The following ZCCHC8 variants were observed in gnomAD, a reference collection of about 807,000 sequenced individuals.
ZCCHC8 encodes zinc finger CCHC-type containing 8.
Under a neutral mutation model 70.6 loss-of-function variants are expected in ZCCHC8, and 27 were observed. That is an observed-to-expected ratio of 0.38 (90% CI 0.28 to 0.53). The LOEUF (loss-of-function observed/expected upper bound fraction) is 0.53. ZCCHC8 is among the 20% of genes least tolerant of loss of function. The probability of loss-of-function intolerance (pLI) is 0.81; values close to 1 mark genes in which losing one functional copy is unlikely to be tolerated. For synonymous variants in ZCCHC8, 293 were observed against 317.4 expected, an observed-to-expected ratio of 0.92 and a Z score of 0.82; for missense variants, 737 against 876.9, an observed-to-expected ratio of 0.84 and a Z score of 2.01.
intron 2 of ZCCHC8, among the ~76,000 whole-genome samples, chr12:122,495,664 A>G (rs1373847437): frequency 2.6e-5 from 4 of 152,056 alleles, no homozygotes; most frequent in Non-Finnish European, 5.9e-5. Context: ...CCTGACCAAC[A>G]TGGTGAAACC....
intron 2 of ZCCHC8, among the ~76,000 whole-genome samples, chr12:122,493,467 C>G (rs912804593): frequency 5.3e-5 from 8 of 152,168 alleles, no homozygotes; most frequent in African/African-American, 1.9e-4. Context: ...GTTGCCCAGG[C>G]TGGATTGCAG....
At chr12:122,497,860 G>A (rs890607990) in intron 2 of ZCCHC8, among the ~76,000 whole-genome samples, 23 of 147,612 alleles carry the variant, frequency 1.6e-4, no homozygotes, top group Non-Finnish European at 2.4e-4. Context: ...AAAAAAAAAA[G>A]TAGCTGGGTG....
rs1957336701 is a variant in ZCCHC8 at position 122,472,554 on chromosome 12, G to A, written c.*943C>T. 6.6e-6 allele frequency: 1 copy of A among 152,238 alleles called. No homozygotes were observed. The highest frequency in any genetic ancestry group is 1.5e-5 in the Non-Finnish European group (1 of 68,080). 9.4% of individuals were successfully genotyped at this position (152,238 alleles called of 1,614,324 possible). On this transcript the variant is annotated 3_prime_UTR_variant, in exon 14 of 14. Coordinates refer to ENST00000633063, the MANE Select transcript of ZCCHC8 (RefSeq NM_017612.5). Reference sequence around the variant, plus strand: ...AAGTTATATGCACCGGCCAGGTGAGGTGGCTTACGCCTGTAATCCCAGCAC... The same window carrying A: ...AAGTTATATGCACCGGCCAGGTGAGATGGCTTACGCCTGTAATCCCAGCAC...
At chr12:122,476,549 G>A (rs1383935998) in intron 13 of ZCCHC8, among the ~76,000 whole-genome samples, 4 of 151,018 alleles carry the variant, frequency 2.6e-5, no homozygotes, top group East Asian at 2.0e-4. Flanking sequence ...AGCCATGATC[G>A]CACCACTGCA....
chr12:122,500,911 C>T lies in ZCCHC8; in HGVS notation c.-71G>A. On this transcript the variant is annotated 5_prime_UTR_variant, in exon 1 of 14. Coordinates refer to ENST00000633063, the MANE Select transcript of ZCCHC8 (RefSeq NM_017612.5). This position sits in a 1 kb window ranked among gnomAD's most constrained non-coding sequence, Gnocchi z 4.8. ...GGGCTTGGGGAAGAAGGTTGGAAGG[C>T]GGCACCACTCTCTAGAGCTCTGGCC... The T allele has an allele frequency of 6.7e-7, 1 of 1,487,230 alleles. No homozygotes were observed. Among genetic ancestry groups the T allele is most frequent in the Non-Finnish European group, 9.1e-7 (1 of 1,097,394 alleles). The allele number at this position is 1,487,230 out of a possible 1,614,324, so 92.1% of individuals were successfully genotyped here. A position where few individuals can be genotyped will look rare whatever the true frequency, so the allele number is the denominator to read the frequency against.
intron 7 of ZCCHC8, 88 bp from the exon 8 acceptor site, chr12:122,482,783 C>G (rs935008103): frequency 8.8e-7 from 1 of 1,135,106 alleles, no homozygotes; most frequent in Non-Finnish European, 1.3e-6. Context: ...CAAAGTGTAT[C>G]AGAGAGACAA....
intron 5 of ZCCHC8, among the ~76,000 whole-genome samples, chr12:122,485,457 G>C (rs1957615401): frequency 6.6e-6 from 1 of 152,112 alleles, no homozygotes; most frequent in African/African-American, 2.4e-5. Context: ...TGGGAGCATA[G>C]ATTGAAGTTG....
Position 122,490,034 on chromosome 12 carries a change from C to CT in ZCCHC8, c.423+427dup, listed in dbSNP as rs1236203606. Among the ~76,000 whole-genome samples the CT allele has an allele frequency of 1.2e-4, 18 of 150,680 alleles. No homozygotes were observed. The South Asian group carries it at 2.9e-3, about 24-fold the overall frequency. The stretch of plus-strand genomic sequence containing the variant: ...CTCTGATTCTCCTCTCTCTCTCTCT[C>CT]TTTTTTTTAAAACATAAATGCGTGA... On this transcript the variant is annotated intron_variant, in intron 4 of 13. Coordinates refer to ENST00000633063, the MANE Select transcript of ZCCHC8 (RefSeq NM_017612.5).
At chr12:122,495,847 C>CAAAAAAAAAAAAAA (rs538311699) in intron 2 of ZCCHC8, among the ~76,000 whole-genome samples, 1 of 78,322 alleles carries the variant, frequency 1.3e-5, no homozygotes, top group African/African-American at 5.6e-5. Context: ...CACTCTGTCT[C>CAAAAAAAAAAAAAA]AAAAAAAAAA....
intron 2 of ZCCHC8, among the ~76,000 whole-genome samples, chr12:122,496,525 C>G (rs1406806255): frequency 6.6e-6 from 1 of 152,146 alleles, no homozygotes; most frequent in Non-Finnish European, 1.5e-5. Flanking sequence ...AATAAAACAT[C>G]TTTAACATAT....
chr12:122,496,921 C>G (rs1957834326), intron 2 of ZCCHC8, among the ~76,000 whole-genome samples: 1 of 152,134 alleles, frequency 6.6e-6, no homozygotes, highest in Admixed American at 6.5e-5. Flanking sequence ...CCGAGGCGGG[C>G]AGATCATGAT....
At chr12:122,475,136 C>G (rs2137320240) in intron 13 of ZCCHC8, among the ~76,000 whole-genome samples, 1 of 152,236 alleles carries the variant, frequency 6.6e-6, no homozygotes, top group Admixed American at 6.5e-5. Flanking sequence ...CAACCTCTGC[C>G]TCCCGGGTTC....
At position 122,483,554 on chromosome 12, in the gene ZCCHC8, T is replaced by C. The variant is rs1193170961; in HGVS notation, c.511A>G (p.Ser171Gly). The change falls in exon 6 of 14, where the codon AGT becomes GGT. Residue 171 changes from serine to glycine, a missense_variant. By Grantham distance (56) the Ser-to-Gly change is moderately conservative (BLOSUM62 0). Transcript: ENST00000633063. The surrounding 1 kb of genome is among the most constrained non-coding windows in gnomAD (Gnocchi z 4.4). ...CAAAAATTAGTAAAATACAGGACAC[T>C]TCCTACAACCTGCAGAAAACAAGTC... ...NNKEAFSVVG[S>G]VLYFTNFCLD... The C allele has an allele frequency of 1.3e-6, 2 of 1,578,192 alleles. No homozygotes were observed. Among genetic ancestry groups the C allele is most frequent in the East Asian group, 2.3e-5 (1 of 43,806 alleles).
chr12:122,478,344 ATGTTT>A, intron 11 of ZCCHC8, 52 bp from the exon 12 acceptor site: 1 of 1,386,132 alleles, frequency 7.2e-7, no homozygotes, highest in Non-Finnish European at 9.9e-7. Context: ...GGAAAATGTC[ATGTTT>A]TGAGATTTTG....
chr12:122,499,685 C>G (rs1957885590), intron 1 of ZCCHC8: 1 of 152,108 alleles, frequency 6.6e-6, no homozygotes, highest in African/African-American at 2.4e-5. Context: ...ACCTTAAAAA[C>G]TGATATACTG....
chr12:122,493,124 T>TC (rs1419689576), intron 2 of ZCCHC8, among the ~76,000 whole-genome samples: 1 of 152,168 alleles, frequency 6.6e-6, no homozygotes, highest in Non-Finnish European at 1.5e-5. Context: ...TGCCTCAGCC[T>TC]CCCCAAGTGC....
chr12:122,498,854 C>A lies in ZCCHC8; in HGVS notation c.215G>T (p.Arg72Leu). The change falls in exon 2 of 14, where the codon CGA becomes CTA. Residue 72 changes from arginine (R) to leucine (L), a missense_variant. Coordinates refer to ENST00000633063, the MANE Select transcript of ZCCHC8 (RefSeq NM_017612.5). ...QLRAENQELK[R>L]KLNILTRPSG... ...CGGTCGAGTCAGAATGTTCAATTTT[C>A]GTTTAAGTTCTTGATGTTATTATTT... 1 of 1,613,342 alleles carries A rather than the reference C, an allele frequency of 6.2e-7. No individual in the cohort carries two copies. Among genetic ancestry groups the A allele is most frequent in the Non-Finnish European group, 8.5e-7 (1 of 1,179,580 alleles).
rs767863791 is a variant in ZCCHC8, at chr12:122,489,443, C to T, written c.444G>A (p.Glu148=). 3.7e-5 allele frequency: 60 copies of T among 1,613,620 alleles called. No homozygotes were observed. In the South Asian group the frequency reaches 5.5e-4, roughly 15 times the overall value. Residue 148 remains glutamate (E), a synonymous_variant, in exon 5 of 14, where the codon GAG becomes GAA. Transcript: ENST00000633063. ...AGGACTCTTCCACTTTGTGGTCCTC[C>T]TCTAGCACAATACTGGATGGCTAAT... is the stretch of plus-strand genomic sequence containing the variant. ...LLPQPSSIVL[E]EDHKVEESCA...
At chr12:122,492,627 TATGAGTACAA>T (rs1957767456) in intron 3 of ZCCHC8, 78 bp downstream of exon 3, 1 of 841,644 alleles carries the variant, frequency 1.2e-6, no homozygotes, top group East Asian at 2.8e-5. Flanking sequence ...ATAAAAATGA[TATGAGTACAA>T]ATGAAAACAG....
Sources: allele counts gnomAD v4.1 joint callset (sites outside exome capture counted in the v4.1 genomes callset), GRCh38; gene constraint gnomAD v4.1.1; non-coding constraint Gnocchi (gnomAD v3.1); transcripts MANE v1.5; gene names NCBI Gene and HGNC (gene_info 2026-07-23, HGNC 2026-07-21).